Variants in FOXP1 observed in about 807,000 individuals in gnomAD.
The protein encoded by FOXP1 is forkhead box protein P1.
In FOXP1, 15 loss-of-function variants were observed where a neutral mutation model predicts 98.2. The ratio of observed to expected loss-of-function variants is 0.15; its 90% CI spans 0.10 to 0.24. FOXP1 has a LOEUF of 0.24. FOXP1 is among the 10% of genes least tolerant of loss of function. The pLI is 1.00. For synonymous variants in FOXP1, 371 were observed against 314.5 expected (o/e 1.18, Z -1.90); for missense variants, 633 against 848.5 (o/e 0.75, Z 3.15).
chr3:71,131,675 T>C (rs1332958684), intron 6 of FOXP1, among the ~76,000 whole-genome samples: 2 of 152,210 alleles, frequency 1.3e-5, no homozygotes, highest in Non-Finnish European at 2.9e-5. Context: ...AACGGCAGCT[T>C]GATAGACATT....
At chr3:71,214,176 C>A (rs559570289) in intron 5 of FOXP1, among the ~76,000 whole-genome samples, 1 of 152,346 alleles carries the variant, frequency 6.6e-6, no homozygotes, top group African/African-American at 2.4e-5. Context: ...CAGAGATATG[C>A]TCCGCCCATC....
chr3:71,214,696 G>C (rs1328939119), intron 5 of FOXP1, among the ~76,000 whole-genome samples: 1 of 152,130 alleles, frequency 6.6e-6, no homozygotes, highest in Non-Finnish European at 1.5e-5. Context: ...CCTGAGTTAA[G>C]ATTCATCAAA....
In FOXP1 at chr3:70,970,718, G is replaced by C; in HGVS notation, c.1722+18C>G. 6.2e-7 allele frequency: 1 copy of C among 1,602,874 alleles called. No homozygotes were observed. The highest frequency in any genetic ancestry group is 8.5e-7 in the Non-Finnish European group (1 of 1,169,780). On this transcript the variant is annotated intron_variant, in intron 19 of 20. Transcript: ENST00000649528. ...ACCTGTGCCTCTGCTGCATATTCGG[G>C]ACGGCCGTTAATCTTACCTGTAAAG...
At chr3:71,401,812 C>CA (rs1560432503) in intron 3 of FOXP1, among the ~76,000 whole-genome samples, 1 of 152,336 alleles carries the variant, frequency 6.6e-6, no homozygotes, top group East Asian at 1.9e-4. Context: ...TTCAAACAGA[C>CA]AAAGTGAATG....
chr3:71,048,093 T>C (rs894887719), intron 9 of FOXP1, among the ~76,000 whole-genome samples: 2 of 152,050 alleles, frequency 1.3e-5, no homozygotes, highest in African/African-American at 4.8e-5. Context: ...AGCCACATTA[T>C]GGCTAACAAT....
At chr3:71,462,728 T>C (rs1445401661) in intron 3 of FOXP1, among the ~76,000 whole-genome samples, 1 of 152,210 alleles carries the variant, frequency 6.6e-6, no homozygotes, top group Non-Finnish European at 1.5e-5. Flanking sequence ...TGTATTCTAG[T>C]CATCCGATGA....
intron 4 of FOXP1, among the ~76,000 whole-genome samples, chr3:71,348,557 GCGCGCA>G (rs2077553443): frequency 4.5e-5 from 6 of 134,700 alleles, no homozygotes; most frequent in Admixed American, 7.1e-5. Context: ...GTGCGTGCGC[GCGCGCA>G]CGCATATGCA....
chr3:71,279,305 C>G (rs1437591855), intron 5 of FOXP1, among the ~76,000 whole-genome samples: 1 of 151,938 alleles, frequency 6.6e-6, no homozygotes, highest in African/African-American at 2.4e-5. Flanking sequence ...CATAGCTTTT[C>G]ACCCAGCATG....
intron 2 of FOXP1, among the ~76,000 whole-genome samples, chr3:71,497,409 G>C (rs932680011): frequency 3.9e-5 from 6 of 152,186 alleles, no homozygotes; most frequent in African/African-American, 1.4e-4. Context: ...TAAGTGAAAA[G>C]TAAATGCACT....
At chr3:70,981,919 G>T (rs1461443423) in intron 14 of FOXP1, among the ~76,000 whole-genome samples, 1 of 152,174 alleles carries the variant, frequency 6.6e-6, no homozygotes, top group African/African-American at 2.4e-5. Context: ...CCAAACACAG[G>T]GTGCTTTGCC....
intron 3 of FOXP1, among the ~76,000 whole-genome samples, chr3:71,409,248 T>G (rs972875626): frequency 1.3e-5 from 2 of 152,190 alleles, no homozygotes; most frequent in African/African-American, 4.8e-5. Context: ...CTGATTTATT[T>G]CCTCCATACC....
At chr3:71,273,302 C>A (rs1235280569) in intron 5 of FOXP1, among the ~76,000 whole-genome samples, 3 of 152,216 alleles carry the variant, frequency 2.0e-5, no homozygotes, top group South Asian at 4.1e-4. Context: ...CCGGCCCTGT[C>A]CTCCTTCAAA....
chr3:71,088,861 G>A (rs899975287), intron 7 of FOXP1, among the ~76,000 whole-genome samples: 2 of 152,154 alleles, frequency 1.3e-5, no homozygotes, highest in African/African-American at 4.8e-5. Flanking sequence ...CCTTAGTGCA[G>A]TTCATCTCTT....
chr3:71,158,008 A>C (rs1576099019), intron 6 of FOXP1, among the ~76,000 whole-genome samples: 1 of 150,828 alleles, frequency 6.6e-6, no homozygotes, highest in Non-Finnish European at 1.5e-5. Context: ...GGATCGCTTG[A>C]GCTTGGAGGG....
At chr3:71,078,766 A>G (rs1380457104) in intron 7 of FOXP1, among the ~76,000 whole-genome samples, 3 of 151,870 alleles carry the variant, frequency 2.0e-5, no homozygotes, top group African/African-American at 4.8e-5. Context: ...TGATGCAGCT[A>G]AAAAAGAGGA....
At chr3:71,226,455 C>T (rs2065842146) in intron 5 of FOXP1, among the ~76,000 whole-genome samples, 1 of 106,814 alleles carries the variant, frequency 9.4e-6, no homozygotes, top group South Asian at 2.9e-4. Context: ...CACCCGGCAG[C>T]CATCCTGAAA....
At chr3:71,385,474 C>T (rs1384459228) in intron 3 of FOXP1, among the ~76,000 whole-genome samples, 5 of 152,242 alleles carry the variant, frequency 3.3e-5, no homozygotes, top group African/African-American at 9.6e-5. Context: ...AGAACCTGCC[C>T]CAATCAGCTG....
chr3:71,450,632 T>C (rs1046689151), intron 3 of FOXP1, among the ~76,000 whole-genome samples: 6 of 152,230 alleles, frequency 3.9e-5, no homozygotes, highest in African/African-American at 1.4e-4. Flanking sequence ...AGAAAGCCTA[T>C]GTTAATTTCG....
At chr3:71,500,998 C>T (rs557836233) in intron 2 of FOXP1, among the ~76,000 whole-genome samples, 1 of 152,092 alleles carries the variant, frequency 6.6e-6, no homozygotes, top group Non-Finnish European at 1.5e-5. Flanking sequence ...TCAAGACCAG[C>T]CTGGCCAACA....
Sources: gnomAD v4.1 joint callset for allele counts (sites outside exome capture counted in the v4.1 genomes callset) on GRCh38, gnomAD v4.1.1 for gene constraint, MANE v1.5 for transcripts, NCBI Gene and HGNC (gene_info 2026-07-23, HGNC 2026-07-21) for gene names.